The following ALG8 variants were observed in gnomAD, a reference collection of about 807,000 sequenced individuals.
ALG8 encodes dolichyl pyrophosphate Glc1Man9GlcNAc2 alpha-1,3-glucosyltransferase.
ALG8 carries 48 observed loss-of-function variants against 70.2 expected under a neutral mutation model. The observed-to-expected ratio is 0.68, with a 90% CI of 0.54 to 0.87. The LOEUF (loss-of-function observed/expected upper bound fraction) is 0.87. Ranked by LOEUF, ALG8 falls within the 40% of genes least tolerant of loss-of-function variation. The probability of loss-of-function intolerance (pLI) is 0.00; values close to 1 mark genes in which losing one functional copy is unlikely to be tolerated. For synonymous variants in ALG8, 234 were observed against 229.0 expected (o/e 1.02, Z -0.20); for missense variants, 572 against 608.7 (o/e 0.94, Z 0.64).
Position 78,109,593 on chromosome 11 carries a change from A to G in ALG8, c.899-12T>C, listed in dbSNP as rs771577945. 3 of 1,610,582 alleles carry G rather than the reference A, an allele frequency of 1.9e-6. No individual in the cohort carries two copies. The highest frequency in any genetic ancestry group is 1.7e-5 in the Admixed American group (1 of 59,990). ...TTTCAATTTCAAACCTATTAAACAG[A>G]TATTTTGTTTTGTTTTATTTTTATC... On this transcript the variant is annotated splice_polypyrimidine_tract_variant and intron_variant, in intron 8 of 12. Transcript: ENST00000299626.
intron 2 of ALG8, among the ~76,000 whole-genome samples, chr11:78,126,064 C>T (rs953842813): frequency 1.3e-5 from 2 of 151,726 alleles, no homozygotes; most frequent in Non-Finnish European, 2.9e-5. Flanking sequence ...GAGGCTGAGG[C>T]AGGAGAATGG....
At chr11:78,126,910 G>C (rs1029468493) in intron 2 of ALG8, among the ~76,000 whole-genome samples, 12 of 152,150 alleles carry the variant, frequency 7.9e-5, no homozygotes, top group African/African-American at 2.9e-4. Context: ...GGATTCCCTA[G>C]TAGTGCAAGA....
intron 9 of ALG8, among the ~76,000 whole-genome samples, chr11:78,107,473 C>A (rs1456477694): frequency 1.4e-5 from 2 of 147,326 alleles, no homozygotes; most frequent in African/African-American, 2.5e-5. Flanking sequence ...CCTGCCTTGG[C>A]CTCCCAAAGT....
At chr11:78,104,323 T>A (rs1429986706) in intron 11 of ALG8, 33 bp downstream of exon 11, 6 of 1,528,440 alleles carry the variant, frequency 3.9e-6, no homozygotes, top group Non-Finnish European at 5.3e-6. Flanking sequence ...GTTGTGATAG[T>A]CAAATATATT....
At chr11:78,134,933 A>G (rs1022133550) in intron 1 of ALG8, among the ~76,000 whole-genome samples, 5 of 152,184 alleles carry the variant, frequency 3.3e-5, no homozygotes, top group Non-Finnish European at 7.3e-5. Context: ...ACCTCCTCCC[A>G]TGAATCATGA....
chr11:78,132,833 A>ATTTTTTGTT (rs1861362619), intron 1 of ALG8, among the ~76,000 whole-genome samples: 1 of 113,942 alleles, frequency 8.8e-6, no homozygotes, highest in Admixed American at 1.0e-4. Flanking sequence ...TTCTTCTTCC[A>ATTTTTTGTT]TTTTTTTTTT....
chr11:78,127,583 C>A (rs961398652), intron 1 of ALG8, 147 bp from the exon 2 acceptor site: 3 of 728,612 alleles, frequency 4.1e-6, no homozygotes, highest in Non-Finnish European at 7.0e-6. Context: ...ATTACATAAT[C>A]CTGTAAAACC....
intron 2 of ALG8, 136 bp downstream of exon 2, chr11:78,127,222 C>T: frequency 1.4e-6 from 1 of 727,714 alleles, no homozygotes; most frequent in African/African-American, 1.8e-5. Context: ...CATGATCTGC[C>T]CGCCTTGGCC....
intron 1 of ALG8, chr11:78,139,039 C>T: frequency 2.9e-6 from 1 of 345,490 alleles, no homozygotes; most frequent in Non-Finnish European, 5.7e-6. Context: ...TAGCGCACAG[C>T]CACTTAGTAA....
At chr11:78,103,635 A>G (rs2136874465) in intron 12 of ALG8, among the ~76,000 whole-genome samples, 1 of 152,330 alleles carries the variant, frequency 6.6e-6, no homozygotes, top group East Asian at 1.9e-4. Flanking sequence ...TCTCAAAAAA[A>G]CGAACAAAAA....
intron 1 of ALG8, among the ~76,000 whole-genome samples, chr11:78,130,052 G>A (rs552541): frequency 0.92 from 140,496 of 152,234 alleles, 65,143 homozygotes; most frequent in African/African-American, 0.98. Flanking sequence ...TAACCTATGC[G>A]GTTAAAAGAA....
intron 1 of ALG8, chr11:78,139,253 C>T (rs1160147522): frequency 9.0e-6 from 5 of 554,346 alleles, no homozygotes; most frequent in Admixed American, 6.2e-5. Context: ...AGGATGAGGA[C>T]CCTGAGGTTC....
intron 3 of ALG8, 112 bp downstream of exon 3, chr11:78,123,909 A>G: frequency 8.4e-7 from 1 of 1,193,646 alleles, no homozygotes; most frequent in East Asian, 2.3e-5. Flanking sequence ...TTGTTTTAGC[A>G]TTTGCTATCA....
At chr11:78,111,317 T>C (rs1860278879) in intron 8 of ALG8, among the ~76,000 whole-genome samples, 1 of 152,252 alleles carries the variant, frequency 6.6e-6, no homozygotes, top group African/African-American at 2.4e-5. Flanking sequence ...CTGCTACTGA[T>C]AACCTAGTAC....
intron 1 of ALG8, among the ~76,000 whole-genome samples, chr11:78,134,742 C>G (rs144763989): frequency 2.1e-3 from 322 of 152,360 alleles, no homozygotes; most frequent in South Asian, 6.8e-3. Context: ...CTCATCCACT[C>G]AAGTTGTATC....
At chr11:78,128,268 T>G (rs1199611615) in intron 1 of ALG8, among the ~76,000 whole-genome samples, 4 of 152,232 alleles carry the variant, frequency 2.6e-5, no homozygotes, top group African/African-American at 9.6e-5. Context: ...TGTCCACTGC[T>G]GTACCTCCCC....
chr11:78,106,108 AATAG>A (rs1313065185), intron 10 of ALG8, among the ~76,000 whole-genome samples: 2 of 152,226 alleles, frequency 1.3e-5, no homozygotes, highest in Admixed American at 1.3e-4. Flanking sequence ...ATTATTCCAG[AATAG>A]ACTAAATCCT....
In ALG8 at chr11:78,132,331, C is replaced by A. The variant is rs200539644; in HGVS notation, c.96-4895G>T. Among the ~76,000 whole-genome samples, 5 of 152,328 alleles carry A rather than the reference C, an allele frequency of 3.3e-5. No homozygotes were observed. In the East Asian group the frequency reaches 5.8e-4, roughly 18 times the overall value. On this transcript the variant is annotated intron_variant, in intron 1 of 12. Transcript: ENST00000299626. ...CATTTCTATCTCTAATGCCACCACT[C>A]CAATTCAAGTCAGCATCTTCTCTCA... is the stretch of plus-strand genomic sequence containing the variant.
In ALG8 at chr11:78,106,900, A is replaced by C. The variant is rs1005132694; in HGVS notation, c.1085T>G (p.Phe362Cys). 1 of 1,614,138 alleles carries C rather than the reference A, an allele frequency of 6.2e-7. No homozygotes were observed. The highest frequency in any genetic ancestry group is 8.5e-7 in the Non-Finnish European group (1 of 1,179,982). ...GGCACAAAGAGTTAGACATCGGAGA[A>C]AGCCTCTGGGCCCTTGGGGTTTAAA... ...LWFKPQGPRG[F>C]LRCLTLCALS... The change falls in exon 10 of 13, where the codon TTT (phenylalanine) becomes TGT (cysteine). Residue 362 changes from phenylalanine (F) to cysteine (C), a missense_variant. By Grantham distance (205) the Phe-to-Cys change is radical (BLOSUM62 -2). Transcript: ENST00000299626.
Sources: gnomAD v4.1 joint callset for allele counts (sites outside exome capture counted in the v4.1 genomes callset) on GRCh38, gnomAD v4.1.1 for gene constraint, MANE v1.5 for transcripts, NCBI Gene and HGNC (gene_info 2026-07-23, HGNC 2026-07-21) for gene names.